Variants in CACUL1 observed in about 807,000 individuals in gnomAD.
The protein encoded by CACUL1 is CDK2-associated and cullin domain-containing protein 1.
CACUL1 carries 13 observed loss-of-function variants against 45.2 expected under a neutral mutation model. The ratio of observed to expected loss-of-function variants is 0.29; its 90% CI spans 0.19 to 0.46. The LOEUF is 0.46. Among genes scored for constraint, CACUL1 ranks in the 20% least tolerant of loss-of-function variants. The pLI, the probability that CACUL1 is intolerant of heterozygous loss-of-function variation, is 1.00. For missense variants in CACUL1, 421 were observed against 471.4 expected, an observed-to-expected ratio of 0.89 and a Z score of 0.99; for synonymous variants, 197 against 174.2, an observed-to-expected ratio of 1.13 and a Z score of -1.03.
At chr10:118,754,333 G>A (rs1482490854) in intron 1 of CACUL1, 63 bp downstream of exon 1, 3 of 1,438,266 alleles carry the variant, frequency 2.1e-6, no homozygotes, top group Non-Finnish European at 2.7e-6. Flanking sequence ...TCCAAGAGGG[G>A]GTGGATTCGG....
intron 1 of CACUL1, among the ~76,000 whole-genome samples, chr10:118,741,963 A>G (rs547784701): frequency 6.6e-6 from 1 of 152,048 alleles, no homozygotes; most frequent in Non-Finnish European, 1.5e-5. Flanking sequence ...CAGCTTCCCC[A>G]TCCCCACCCC....
At chr10:118,695,462 T>G (rs902480605) in intron 5 of CACUL1, among the ~76,000 whole-genome samples, 4 of 152,146 alleles carry the variant, frequency 2.6e-5, no homozygotes, top group African/African-American at 9.7e-5. Flanking sequence ...TTCATGAAGG[T>G]TCTGAAAAGT....
At chr10:118,724,792 T>C (rs1456435104) in intron 3 of CACUL1, among the ~76,000 whole-genome samples, 3 of 152,090 alleles carry the variant, frequency 2.0e-5, no homozygotes, top group South Asian at 2.1e-4. Flanking sequence ...CCACCTTAAC[T>C]AGCACCCAGA....
chr10:118,678,628 T>TTA lies in CACUL1; in HGVS notation c.*7498_*7499dup, dbSNP rs1845120457. 1.3e-5 allele frequency: 2 copies of TTA among 152,156 alleles called. No individual in the cohort carries two copies. Among genetic ancestry groups the TTA allele is most frequent in the Non-Finnish European group, 2.9e-5 (2 of 68,034 alleles). 9.4% of individuals were successfully genotyped at this position (152,156 alleles called of 1,614,324 possible). On this transcript the variant is annotated 3_prime_UTR_variant, in exon 9 of 9. Coordinates refer to ENST00000369151, the MANE Select transcript of CACUL1 (RefSeq NM_153810.5). ...TATTTAGGTCCATTAAGTTTTTTTT[T>TTA]TATCATTTTCTCATTTTAAAATTTA...
At chr10:118,711,678 CAG>C (rs1232012983) in intron 3 of CACUL1, among the ~76,000 whole-genome samples, 2 of 152,268 alleles carry the variant, frequency 1.3e-5, no homozygotes, top group South Asian at 4.1e-4. Flanking sequence ...TTACAGCAGA[CAG>C]AATAAATAAA....
chr10:118,751,887 G>A (rs957943829), intron 1 of CACUL1, among the ~76,000 whole-genome samples: 1 of 152,068 alleles, frequency 6.6e-6, no homozygotes, highest in Non-Finnish European at 1.5e-5. Context: ...CCTTTTTAAA[G>A]GTCTTGCGTA....
At chr10:118,698,426 G>A in intron 5 of CACUL1, among the ~76,000 whole-genome samples, 1 of 152,200 alleles carries the variant, frequency 6.6e-6, no homozygotes, top group East Asian at 1.9e-4. Context: ...TTACAGGTGT[G>A]AGCCATCGCG....
At chr10:118,713,822 G>A (rs539603602) in intron 3 of CACUL1, among the ~76,000 whole-genome samples, 7 of 152,238 alleles carry the variant, frequency 4.6e-5, no homozygotes, top group African/African-American at 9.6e-5. Flanking sequence ...TGTATATCTT[G>A]TAGTCAGTTT....
At chr10:118,737,851 C>T (rs116679984) in intron 1 of CACUL1, among the ~76,000 whole-genome samples, 2,210 of 152,256 alleles carry the variant, frequency 0.015, 50 homozygotes, top group African/African-American at 0.05. Flanking sequence ...CATGCATACA[C>T]GAAAAGTTCA....
In CACUL1 at chr10:118,678,819, A is replaced by G. The variant is rs1010604996; in HGVS notation, c.*7309T>C. 4 of 152,138 alleles carry G rather than the reference A, an allele frequency of 2.6e-5. No individual in the cohort carries two copies. Among genetic ancestry groups the G allele is most frequent in the Non-Finnish European group, 4.4e-5 (3 of 68,032 alleles). 9.4% of individuals were successfully genotyped at this position (152,138 alleles called of 1,614,324 possible). A position where few individuals can be genotyped will look rare whatever the true frequency, so the allele number is the denominator to read the frequency against. Reference sequence around the variant, plus strand: ...ACTTATTTTCCTACTGAAGGGTACAATGTGTTTTATGTATGTGTGTGTTAT... The same window carrying G: ...ACTTATTTTCCTACTGAAGGGTACAGTGTGTTTTATGTATGTGTGTGTTAT... On this transcript the variant is annotated 3_prime_UTR_variant, in exon 9 of 9. Transcript: ENST00000369151.
rs886356793 is a variant in CACUL1, at chr10:118,684,737, T to G, written c.*1391A>C. ...GGCAGAGGCAGCTGTATGAAGAACCTGCAGAGCAGACATGCGACAGCATCC... is the reference window on the plus strand; with the variant it reads ...GGCAGAGGCAGCTGTATGAAGAACCGGCAGAGCAGACATGCGACAGCATCC... On this transcript the variant is annotated 3_prime_UTR_variant, in exon 9 of 9. Transcript: ENST00000369151. 1 of 152,218 alleles carries G rather than the reference T, an allele frequency of 6.6e-6. No individual in the cohort carries two copies. The highest frequency in any genetic ancestry group is 2.4e-5 in the African/African-American group (1 of 41,446). 9.4% of individuals were successfully genotyped at this position (152,218 alleles called of 1,614,324 possible). A position where few individuals can be genotyped will look rare whatever the true frequency, so the allele number is the denominator to read the frequency against.
At chr10:118,731,985 G>A (rs933331840) in intron 1 of CACUL1, among the ~76,000 whole-genome samples, 3 of 152,162 alleles carry the variant, frequency 2.0e-5, no homozygotes, top group South Asian at 2.1e-4. Flanking sequence ...AAAAAGAACC[G>A]TACATGCACG....
chr10:118,750,435 C>A (rs1845886714), intron 1 of CACUL1, among the ~76,000 whole-genome samples: 1 of 152,228 alleles, frequency 6.6e-6, no homozygotes, highest in Non-Finnish European at 1.5e-5. Context: ...TCGATCAAAT[C>A]CAAAGTGACT....
At chr10:118,709,365 A>G (rs1845463577) in intron 3 of CACUL1, among the ~76,000 whole-genome samples, 1 of 152,208 alleles carries the variant, frequency 6.6e-6, no homozygotes, top group East Asian at 1.9e-4. Flanking sequence ...AAGTGCATCC[A>G]TGCATGATTT....
At chr10:118,701,490 G>A (rs1446778622) in intron 4 of CACUL1, 82 bp from the exon 5 acceptor site, 5 of 671,162 alleles carry the variant, frequency 7.4e-6, no homozygotes, top group East Asian at 3.0e-5. Flanking sequence ...AAATATTTTA[G>A]AAAACAATGC....
chr10:118,746,552 T>C (rs907312939), intron 1 of CACUL1, among the ~76,000 whole-genome samples: 4 of 152,252 alleles, frequency 2.6e-5, no homozygotes, highest in Non-Finnish European at 4.4e-5. Context: ...TAGGCAAATA[T>C]TTCTTAGGAT....
At chr10:118,691,468 GA>G in intron 6 of CACUL1, 65 bp from the exon 7 acceptor site, 1 of 1,449,578 alleles carries the variant, frequency 6.9e-7, no homozygotes, top group Admixed American at 2.0e-5. Context: ...ATGGAAAAGG[GA>G]AAGTTTTCTT....
chr10:118,730,077 G>A (rs1845684311), intron 2 of CACUL1, among the ~76,000 whole-genome samples: 1 of 152,136 alleles, frequency 6.6e-6, no homozygotes, highest in Non-Finnish European at 1.5e-5. Flanking sequence ...TGGTGGAGGT[G>A]GCAGGCTTCC....
rs371135666 is a variant in CACUL1 at position 118,691,342 on chromosome 10, C to A, written c.948G>T (p.Ala316=). 1 of 1,612,298 alleles carries A rather than the reference C, an allele frequency of 6.2e-7. No homozygotes were observed. Among genetic ancestry groups the A allele is most frequent in the South Asian group, 1.1e-5 (1 of 91,040 alleles). ...SKFIPNILPP[A]VESELSEYAA... is the part of the protein sequence containing the mutation. Reference sequence around the variant, plus strand: ...CATATTCAGAAAGTTCAGATTCCACCGCCGGAGGGAGAATGTTTGGAATAA... The same window carrying A: ...CATATTCAGAAAGTTCAGATTCCACAGCCGGAGGGAGAATGTTTGGAATAA... The change falls in exon 7 of 9, where the codon GCG becomes GCT. Residue 316 remains alanine, a synonymous_variant. Coordinates refer to ENST00000369151, the MANE Select transcript of CACUL1 (RefSeq NM_153810.5).
Sources: gnomAD v4.1 joint callset for allele counts (sites outside exome capture counted in the v4.1 genomes callset) on GRCh38, gnomAD v4.1.1 for gene constraint, MANE v1.5 for transcripts, NCBI Gene and HGNC (gene_info 2026-07-23, HGNC 2026-07-21) for gene names.